Variants in RIOK3 observed in about 807,000 individuals in gnomAD.
RIOK3 encodes the protein RIO kinase 3.
A neutral mutation model predicts 63.5 loss-of-function variants in RIOK3; 40 were observed. The ratio of observed to expected loss-of-function variants is 0.63; its 90% confidence interval spans 0.49 to 0.82. The LOEUF (loss-of-function observed/expected upper bound fraction) is 0.82, where lower values mean the gene tolerates loss of function less well. Ranked by LOEUF, RIOK3 falls within the 40% of genes least tolerant of loss-of-function variation. The pLI is 0.00. For missense variants in RIOK3, 557 were observed against 637.0 expected (o/e 0.87, Z 1.35); for synonymous variants, 193 against 205.0 (o/e 0.94, Z 0.50).
At chr18:23,474,573 A>G (rs1038602490) in intron 8 of RIOK3, among the ~76,000 whole-genome samples, 13 of 152,220 alleles carry the variant, frequency 8.5e-5, no homozygotes, top group Middle Eastern at 3.4e-3. Flanking sequence ...AGATCCAGCT[A>G]TGTTGATTGA....
chr18:23,479,780 T>C (rs906004244), intron 12 of RIOK3, among the ~76,000 whole-genome samples: 1 of 152,160 alleles, frequency 6.6e-6, no homozygotes, highest in Non-Finnish European at 1.5e-5. Context: ...TTTCGCCATG[T>C]TGGCCAGGCC....
In RIOK3 at chr18:23,464,116, T is replaced by TC; in HGVS notation, c.325+4_325+5insC. Reference sequence around the variant, plus strand: ...AAATTCAATGGAGATAGCAAAGGTATTATAACCTTATTGTGACAACTTCAT... The same window carrying TC: ...AAATTCAATGGAGATAGCAAAGGTATCTATAACCTTATTGTGACAACTTCAT... On this transcript the variant is annotated splice_donor_region_variant and intron_variant, in intron 3 of 12. Coordinates refer to ENST00000339486, the MANE Select transcript of RIOK3 (RefSeq NM_003831.5). 6.2e-7 allele frequency: 1 copy of TC among 1,609,838 alleles called. No homozygotes were observed. Among genetic ancestry groups the TC allele is most frequent in the Non-Finnish European group, 8.5e-7 (1 of 1,177,950 alleles).
intron 2 of RIOK3, 78 bp from the exon 3 acceptor site, chr18:23,463,889 C>A: frequency 8.3e-7 from 1 of 1,203,504 alleles, no homozygotes; most frequent in Non-Finnish European, 1.2e-6. Context: ...ATGGAAAAGG[C>A]ACCTCCTACT....
chr18:23,481,271 G>C lies in RIOK3; in HGVS notation c.1552G>C (p.Asp518His). The change falls in exon 13 of 13, where the codon GAT becomes CAT. Residue 518 changes from aspartate to histidine, a missense_variant. Asp to His is a moderately conservative substitution (Grantham distance 81). This residue lies in a region of RIOK3 where 309 missense variants were observed against 338.7 expected (regional missense o/e 0.91). Transcript: ENST00000339486. ...KDDGDPPLLY[D>H]E is the part of the protein sequence containing the mutation. ...TGATGGAGACCCACCACTACTATAT[G>C]ATGAATAGCACTAATACCCACTGCT... The C allele has an allele frequency of 1.3e-6, 2 of 1,585,028 alleles. No homozygotes were observed. The highest frequency in any genetic ancestry group is 1.7e-6 in the Non-Finnish European group (2 of 1,158,322).
At chr18:23,455,192 C>T (rs963329536) in intron 1 of RIOK3, among the ~76,000 whole-genome samples, 1 of 152,074 alleles carries the variant, frequency 6.6e-6, no homozygotes, top group African/African-American at 2.4e-5. Context: ...GTGACTCAGC[C>T]TCCTGAGTAG....
chr18:23,469,318 TCTCTCTCTCTCTCTCTCTCCCC>T (rs2057432798), intron 7 of RIOK3, among the ~76,000 whole-genome samples: 2 of 29,032 alleles, frequency 6.9e-5, no homozygotes, highest in Non-Finnish European at 1.3e-4. Flanking sequence ...TCTCTCTCTC[TCTCTCTCTCTCTCTCTCTCCCC>T]CTCTCTCCCC....
intron 1 of RIOK3, among the ~76,000 whole-genome samples, chr18:23,458,843 A>C (rs1234333873): frequency 6.6e-6 from 1 of 152,242 alleles, no homozygotes; most frequent in Non-Finnish European, 1.5e-5. Context: ...TCCGTCTCAC[A>C]GCCTGGAAAA....
intron 12 of RIOK3, 75 bp downstream of exon 12, chr18:23,479,499 C>G: frequency 1.3e-6 from 1 of 766,054 alleles, no homozygotes; most frequent in East Asian, 2.6e-5. Flanking sequence ...AAACCCAGAG[C>G]TAGTTTTATC....
chr18:23,473,552 A>G lies in RIOK3; in HGVS notation c.939A>G (p.Lys313=), dbSNP rs1266827175. Residue 313 remains lysine, a synonymous_variant, in exon 8 of 13, where the codon AAA becomes AAG. Transcript: ENST00000339486. ...DKYIKDDFRF[K]DRFSKLNPRK... ...ATATTAAAGATGATTTCAGGTTTAA[A>G]GATCGCTTCAGTAAACTAAATCCAC... 1.2e-6 allele frequency: 2 copies of G among 1,613,720 alleles called. No homozygotes were observed. The highest frequency in any genetic ancestry group is 4.5e-5 in the East Asian group (2 of 44,818).
At chr18:23,477,412 T>C in intron 11 of RIOK3, 144 bp downstream of exon 11, 1 of 673,850 alleles carries the variant, frequency 1.5e-6, no homozygotes, top group Non-Finnish European at 2.6e-6. Context: ...GATATAAAGA[T>C]CAATTTGTCA....
In RIOK3 at chr18:23,464,582, A is replaced by G; in HGVS notation, c.497A>G (p.His166Arg). 6.2e-7 allele frequency: 1 copy of G among 1,608,154 alleles called. No homozygotes were observed. The highest frequency in any genetic ancestry group is 1.1e-5 in the South Asian group (1 of 89,450). ...IGKGKDITTK[H>R]DEVVCGRKNT... ...AAAGGAAAAGATATCACCACCAAAC[A>G]TGATGAAGTAGTATGTGGGAGAAAG... Residue 166 changes from histidine to arginine, a missense_variant, in exon 5 of 13, where the codon CAT becomes CGT. His to Arg is a conservative substitution (Grantham distance 29). Coordinates refer to ENST00000339486, the MANE Select transcript of RIOK3 (RefSeq NM_003831.5).
chr18:23,453,840 A>T (rs959782722), intron 1 of RIOK3, among the ~76,000 whole-genome samples: 1 of 152,260 alleles, frequency 6.6e-6, no homozygotes, highest in Admixed American at 6.5e-5. Context: ...CTTGTTTTTC[A>T]CTGGCCAAGT....
At chr18:23,469,820 A>G (rs1343734658) in intron 7 of RIOK3, among the ~76,000 whole-genome samples, 2 of 152,142 alleles carry the variant, frequency 1.3e-5, no homozygotes, top group Admixed American at 1.3e-4. Context: ...CAGGTTGGTC[A>G]GGCAATCAAC....
At position 23,473,448 on chromosome 18, in the gene RIOK3, G is replaced by A. The variant is rs752149674; in HGVS notation, c.835G>A (p.Asp279Asn). 1.9e-6 allele frequency: 3 copies of A among 1,608,464 alleles called. No homozygotes were observed. The highest frequency in any genetic ancestry group is 8.5e-7 in the Non-Finnish European group (1 of 1,177,400). The change falls in exon 8 of 13, where the codon GAT (aspartate) becomes AAT (asparagine). Residue 279 changes from aspartate (D) to asparagine (N), a missense_variant. Physicochemically the swap from Asp to Asn is conservative, Grantham distance 23. Transcript: ENST00000339486. ...ACTTAGCATGGAGGATGAAAAGGAA[G>A]ATAGTAAAGTTATACCTACAGAATG... ...YGGSMEDEKE[D>N]SKVIPTECAI... is the part of the protein sequence containing the mutation.
At position 23,467,512 on chromosome 18, in the gene RIOK3, T is replaced by TG. The variant is rs1427929009; in HGVS notation, c.802dup (p.Ala268GlyfsTer9). Reference sequence around the variant, plus strand: ...CAGGAAAGGAGTCTGTTGTCTTTCATGCATATGGAGGGAGGTAAATGAGCA... The same window carrying TG: ...CAGGAAAGGAGTCTGTTGTCTTTCATGGCATATGGAGGGAGGTAAATGAGCA... On this transcript the variant is annotated frameshift_variant, in exon 7 of 13. Transcript: ENST00000339486. LOFTEE classifies it high-confidence loss of function. The TG allele has an allele frequency of 6.2e-7, 1 of 1,613,330 alleles. No homozygotes were observed. The highest frequency in any genetic ancestry group is 8.5e-7 in the Non-Finnish European group (1 of 1,179,510).
In RIOK3 at chr18:23,467,516, T is replaced by C. The variant is rs377395475; in HGVS notation, c.805T>C (p.Tyr269His). 1.2e-6 allele frequency: 2 copies of C among 1,612,954 alleles called. No homozygotes were observed. The highest frequency in any genetic ancestry group is 8.5e-7 in the Non-Finnish European group (1 of 1,179,404). ...AAAGGAGTCTGTTGTCTTTCATGCA[T>C]ATGGAGGGAGGTAAATGAGCAAAAT... is the stretch of plus-strand genomic sequence containing the variant. ...TGKESVVFHA[Y>H]GGSMEDEKED... The change falls in exon 7 of 13, where the codon TAT (tyrosine) becomes CAT (histidine). Residue 269 changes from tyrosine (Y) to histidine (H), a missense_variant. By Grantham distance (83) the Tyr-to-His change is moderately conservative. This residue lies in a region of RIOK3 where 309 missense variants were observed against 338.7 expected (regional missense o/e 0.91). Coordinates refer to ENST00000339486, the MANE Select transcript of RIOK3 (RefSeq NM_003831.5).
At chr18:23,466,871 G>A (rs1351203300) in intron 6 of RIOK3, among the ~76,000 whole-genome samples, 1 of 150,184 alleles carries the variant, frequency 6.7e-6, no homozygotes, top group Non-Finnish European at 1.5e-5. Context: ...GCATGTTGGT[G>A]TGCACCTTTA....
At chr18:23,471,236 C>T (rs774414003) in intron 7 of RIOK3, among the ~76,000 whole-genome samples, 11 of 152,196 alleles carry the variant, frequency 7.2e-5, no homozygotes, top group Non-Finnish European at 1.0e-4. Flanking sequence ...GGACAGGGAA[C>T]GCTTCTCCAA....
Sources: gnomAD v4.1 joint callset for allele counts (sites outside exome capture counted in the v4.1 genomes callset) on GRCh38, gnomAD v4.1.1 for gene constraint, gnomAD v4.1.1 regional missense constraint, MANE v1.5 for transcripts, NCBI Gene and HGNC (gene_info 2026-07-23, HGNC 2026-07-21) for gene names.